The following PCTP variants were observed in gnomAD, a reference collection of about 807,000 sequenced individuals.
The protein encoded by PCTP is phosphatidylcholine transfer protein.
In PCTP, 27 loss-of-function variants were observed where a neutral mutation model predicts 31.0. That is an observed-to-expected ratio of 0.87 (90% CI 0.64 to 1.20). The LOEUF (loss-of-function observed/expected upper bound fraction) is 1.20, where lower values mean the gene tolerates loss of function less well. Among genes scored for constraint, PCTP ranks in the 50% most tolerant of loss-of-function variants. The pLI, the probability that PCTP is intolerant of heterozygous loss-of-function variation, is 0.00. For missense variants in PCTP, 287 were observed against 268.2 expected, an observed-to-expected ratio of 1.07 and a Z score of -0.49; for synonymous variants, 108 against 101.2, an observed-to-expected ratio of 1.07 and a Z score of -0.40.
At chr17:55,760,851 C>T (rs1363378390) in intron 1 of PCTP, among the ~76,000 whole-genome samples, 1 of 152,146 alleles carries the variant, frequency 6.6e-6, no homozygotes, top group East Asian at 1.9e-4. Context: ...GGAAAGGGTT[C>T]CCATCCAGGC....
At chr17:55,849,545 C>T in the PCTP span, among the ~76,000 whole-genome samples, 1 of 152,156 alleles carries the variant, frequency 6.6e-6, no homozygotes, top group African/African-American at 2.4e-5. Flanking sequence ...ATCGCTTGAA[C>T]CCAGGAGGTG....
intron 1 of PCTP, among the ~76,000 whole-genome samples, chr17:55,763,242 A>G (rs911340870): frequency 2.6e-5 from 4 of 152,230 alleles, no homozygotes; most frequent in South Asian, 2.1e-4. Flanking sequence ...GTTTTGCCAA[A>G]TAAGTTTTGC....
At chr17:55,769,516 A>C (rs1377364995) in intron 2 of PCTP, 1 of 152,236 alleles carries the variant, frequency 6.6e-6, no homozygotes, top group Non-Finnish European at 1.5e-5. Flanking sequence ...TTCAGTGACC[A>C]GTGATGGCAT....
chr17:55,754,371 A>G (rs776423754), intron 1 of PCTP, among the ~76,000 whole-genome samples: 5 of 152,206 alleles, frequency 3.3e-5, no homozygotes, highest in African/African-American at 7.2e-5. Context: ...GCTTTCATTT[A>G]CTGGTTTATT....
intron 3 of PCTP, among the ~76,000 whole-genome samples, chr17:55,790,032 A>G (rs929047442): frequency 6.6e-6 from 1 of 152,202 alleles, no homozygotes; most frequent in Non-Finnish European, 1.5e-5. Context: ...CCAGCATATA[A>G]ACAGAACCAA....
At position 55,777,062 on chromosome 17, in the gene PCTP, ACT is replaced by A. The variant is rs1421951315; in HGVS notation, c.*965_*966del. The stretch of plus-strand genomic sequence containing the variant: ...GTAAAATTTAACTGGTGGCTTAATG[ACT>A]CTGCACCTTTTTCTCAGGAATTCTG... On this transcript the variant is annotated 3_prime_UTR_variant, in exon 6 of 6. Transcript: ENST00000268896. The A allele has an allele frequency of 7.1e-6, 7 of 985,604 alleles. No individual in the cohort carries two copies. The highest frequency in any genetic ancestry group is 8.4e-6 in the Non-Finnish European group (7 of 829,908). 61.1% of individuals were successfully genotyped at this position (985,604 alleles called of 1,614,324 possible). A position where few individuals can be genotyped will look rare whatever the true frequency, so the allele number is the denominator to read the frequency against.
At chr17:55,792,173 G>A (rs1247710866) in intron 3 of PCTP, among the ~76,000 whole-genome samples, 1 of 114,032 alleles carries the variant, frequency 8.8e-6, no homozygotes, top group Non-Finnish European at 1.7e-5. Context: ...GGGGGAGGGG[G>A]GAGGGTTAGC....
chr17:55,811,861 G>T (rs1169646886), intron 3 of PCTP, among the ~76,000 whole-genome samples: 2 of 152,214 alleles, frequency 1.3e-5, no homozygotes, highest in African/African-American at 4.8e-5. Flanking sequence ...ACCTAGAGGA[G>T]CGTGGGATGC....
chr17:55,828,921 C>T (rs1034363964), intron 5 of PCTP, among the ~76,000 whole-genome samples: 2 of 152,146 alleles, frequency 1.3e-5, no homozygotes, highest in Non-Finnish European at 2.9e-5. Context: ...GCTTCTTGCT[C>T]CTTTCCCTCA....
chr17:55,799,746 G>C (rs1370103443), intron 3 of PCTP, among the ~76,000 whole-genome samples: 1 of 151,912 alleles, frequency 6.6e-6, no homozygotes, highest in African/African-American at 2.4e-5. Flanking sequence ...CTTCCTTCAG[G>C]AGCTCTTGTA....
chr17:55,768,410 A>G (rs1364465456), intron 2 of PCTP, among the ~76,000 whole-genome samples: 1 of 152,128 alleles, frequency 6.6e-6, no homozygotes, highest in African/African-American at 2.4e-5. Flanking sequence ...AGAAGAATAC[A>G]TGTATGTGAG....
chr17:55,831,362 T>A (rs998805456), intron 5 of PCTP, among the ~76,000 whole-genome samples: 1 of 152,186 alleles, frequency 6.6e-6, no homozygotes, highest in African/African-American at 2.4e-5. Context: ...AAGGCACCAC[T>A]TTGTGGTGCA....
At chr17:55,834,242 G>A (rs904739843) in intron 5 of PCTP, among the ~76,000 whole-genome samples, 1 of 151,970 alleles carries the variant, frequency 6.6e-6, no homozygotes, top group African/African-American at 2.4e-5. Flanking sequence ...GGATGTGAAG[G>A]CTTGTTACAT....
intron 5 of PCTP, chr17:55,775,624 T>TTAACTAAATAATAATATATCCTGCTCC (rs1447832518): frequency 8.4e-7 from 1 of 1,193,154 alleles, no homozygotes; most frequent in African/African-American, 1.6e-5. Context: ...GTGCTCAACA[T>TTAACTAAATAATAATATATCCTGCTCC]TAACTAAATA....
intron 5 of PCTP, among the ~76,000 whole-genome samples, chr17:55,838,938 G>T (rs956856513): frequency 2.0e-5 from 3 of 152,132 alleles, no homozygotes; most frequent in African/African-American, 7.2e-5. Context: ...GGGGAAACTG[G>T]AAGGCATTTG....
chr17:55,756,784 T>G (rs1449613973), intron 1 of PCTP, among the ~76,000 whole-genome samples: 1 of 151,980 alleles, frequency 6.6e-6, no homozygotes, highest in African/African-American at 2.4e-5. Context: ...GAGATTCATA[T>G]GAACATGCTG....
At chr17:55,800,995 G>A (rs1912357419) in intron 3 of PCTP, among the ~76,000 whole-genome samples, 1 of 152,076 alleles carries the variant, frequency 6.6e-6, no homozygotes, top group African/African-American at 2.4e-5. Context: ...CCTTCCTCTG[G>A]AAGCTTCGTC....
At chr17:55,815,192 G>A (rs1222275003) in intron 3 of PCTP, among the ~76,000 whole-genome samples, 1 of 152,108 alleles carries the variant, frequency 6.6e-6, no homozygotes, top group Non-Finnish European at 1.5e-5. Flanking sequence ...AGTTTAAAAA[G>A]CATGATTATA....
chr17:55,782,488 A>C (rs1335770200), intron 2 of PCTP, among the ~76,000 whole-genome samples: 1 of 152,202 alleles, frequency 6.6e-6, no homozygotes, highest in Admixed American at 6.5e-5. Context: ...TGAGATAGGA[A>C]ATACTATCTC....
Sources: allele counts gnomAD v4.1 joint callset (sites outside exome capture counted in the v4.1 genomes callset), GRCh38; gene constraint gnomAD v4.1.1; transcripts MANE v1.5; gene names NCBI Gene and HGNC (gene_info 2026-07-23, HGNC 2026-07-21).